REV1: variants seen among roughly 807,000 people sequenced by gnomAD.
The protein encoded by REV1 is translesion synthesis protein REV1.
Under a neutral mutation model 137.4 loss-of-function variants are expected in REV1, and 42 were observed. The ratio of observed to expected loss-of-function variants is 0.31; its 90% confidence interval spans 0.24 to 0.40. The LOEUF (loss-of-function observed/expected upper bound fraction) is 0.40, where lower values mean the gene tolerates loss of function less well. Ranked by LOEUF, REV1 falls within the 10% of genes least tolerant of loss-of-function variation. The pLI, the probability that REV1 is intolerant of heterozygous loss-of-function variation, is 1.00. For missense variants in REV1, 1,282 were observed against 1,490.1 expected (o/e 0.86, Z 2.30); for synonymous variants, 524 against 519.2 (o/e 1.01, Z -0.12).
chr2:99,480,531 C>A (rs1686502069), intron 1 of REV1, among the ~76,000 whole-genome samples: 1 of 152,094 alleles, frequency 6.6e-6, no homozygotes, highest in Admixed American at 6.6e-5. Context: ...CTGAGCCTAG[C>A]CTACACCATA....
chr2:99,463,259 C>A (rs1575184708), intron 2 of REV1, among the ~76,000 whole-genome samples: 1 of 152,076 alleles, frequency 6.6e-6, no homozygotes, highest in South Asian at 2.1e-4. Context: ...GTGGCTCACA[C>A]CTGTGATCCC....
chr2:99,401,725 C>T lies in REV1; in HGVS notation c.3645-373G>A, dbSNP rs141125088. 3.3e-3 allele frequency among the ~76,000 whole-genome samples: 508 copies of T among 152,200 alleles called. 3 individuals carry two copies. The highest frequency in any genetic ancestry group is 0.012 in the African/African-American group (489 of 41,532). ...TCCTGCCACTGCACTCCAGCCTGGG[C>T]GACAGAGTGAGACTCCATCTCAAAA... On this transcript the variant is annotated intron_variant, in intron 22 of 22. Transcript: ENST00000258428.
intron 1 of REV1, among the ~76,000 whole-genome samples, chr2:99,472,077 T>C (rs1021717291): frequency 1.3e-5 from 2 of 152,002 alleles, no homozygotes; most frequent in African/African-American, 4.8e-5. Context: ...CACTGAAACC[T>C]GAGACACAAA....
chr2:99,436,976 C>T (rs897223159), intron 6 of REV1, among the ~76,000 whole-genome samples: 4 of 150,944 alleles, frequency 2.6e-5, no homozygotes, highest in Non-Finnish European at 1.5e-5. Flanking sequence ...TAATTCTCCC[C>T]CAACTTTTTT....
At chr2:99,411,283 G>A (rs140470647) in intron 13 of REV1, among the ~76,000 whole-genome samples, 1,671 of 152,026 alleles carry the variant, frequency 0.011, 9 homozygotes, top group Middle Eastern at 0.027. Context: ...GGGAGACTCC[G>A]TCTCAAAAAA....
chr2:99,439,439 T>A, intron 5 of REV1, 129 bp from the exon 6 acceptor site: 1 of 575,056 alleles, frequency 1.7e-6, no homozygotes, highest in Non-Finnish European at 3.0e-6. Context: ...AATTCTTATA[T>A]TGAATATTGA....
chr2:99,402,096 A>G (rs1675540514), intron 22 of REV1, 148 bp downstream of exon 22: 1 of 534,482 alleles, frequency 1.9e-6, no homozygotes, highest in Admixed American at 3.8e-5. Flanking sequence ...CTTATTTGCT[A>G]CTTAGTCAAC....
At chr2:99,442,818 T>G (rs1304851792) in intron 4 of REV1, among the ~76,000 whole-genome samples, 1 of 152,182 alleles carries the variant, frequency 6.6e-6, no homozygotes, top group African/African-American at 2.4e-5. Flanking sequence ...TCCAAATTCA[T>G]GTCAGAAACT....
intron 14 of REV1, among the ~76,000 whole-genome samples, chr2:99,409,867 C>CCAA (rs1491343028): frequency 2.7e-5 from 3 of 109,474 alleles, no homozygotes; most frequent in African/African-American, 6.9e-5. Context: ...CCCCCCCCCC[C>CCAA]AAAAAAAACA....
At position 99,462,630 on chromosome 2, in the gene REV1, T is replaced by C; in HGVS notation, c.55-8A>G. On this transcript the variant is annotated splice_region_variant and splice_polypyrimidine_tract_variant and intron_variant, in intron 2 of 22. Coordinates refer to ENST00000258428, the MANE Select transcript of REV1 (RefSeq NM_016316.4). ...GGCAGCCATATACCCACCCTAGAAT[T>C]AAAGAAAAGGTAAACCAATCACAAA... The C allele has an allele frequency of 6.3e-7, 1 of 1,596,986 alleles. No homozygotes were observed. Among genetic ancestry groups the C allele is most frequent in the South Asian group, 1.1e-5 (1 of 87,024 alleles).
At chr2:99,403,341 G>A (rs1675771110) in intron 19 of REV1, 1 of 575,130 alleles carries the variant, frequency 1.7e-6, no homozygotes, top group African/African-American at 1.9e-5. Context: ...TCTATGATGG[G>A]TAGTACTAAA....
intron 10 of REV1, among the ~76,000 whole-genome samples, chr2:99,421,864 G>A (rs1481600715): frequency 6.6e-6 from 1 of 151,980 alleles, no homozygotes; most frequent in Non-Finnish European, 1.5e-5. Context: ...CCAAAATACA[G>A]CATATTGGAT....
At chr2:99,452,714 A>G (rs900116431) in intron 3 of REV1, among the ~76,000 whole-genome samples, 40 of 152,370 alleles carry the variant, frequency 2.6e-4, no homozygotes, top group African/African-American at 8.9e-4. Flanking sequence ...AGTATTTGCT[A>G]AATTCATTAA....
At chr2:99,432,252 A>C (rs1680216851) in intron 8 of REV1, among the ~76,000 whole-genome samples, 1 of 152,198 alleles carries the variant, frequency 6.6e-6, no homozygotes, top group African/African-American at 2.4e-5. Flanking sequence ...TAAGAAACTA[A>C]AGTTTCAAAA....
intron 1 of REV1, among the ~76,000 whole-genome samples, chr2:99,467,524 A>T (rs1684939135): frequency 6.6e-6 from 1 of 152,180 alleles, no homozygotes; most frequent in African/African-American, 2.4e-5. Flanking sequence ...CCCAAACCAG[A>T]TTATTTTTCC....
Position 99,400,675 on chromosome 2 carries a change from T to G in REV1, c.*566A>C, listed in dbSNP as rs1423144008. The G allele has an allele frequency of 6.6e-6, 1 of 152,146 alleles. No homozygotes were observed. Among genetic ancestry groups the G allele is most frequent in the African/African-American group, 2.4e-5 (1 of 41,430 alleles). The allele number at this position is 152,146 out of a possible 1,614,324, so 9.4% of individuals were successfully genotyped here. A position where few individuals can be genotyped will look rare whatever the true frequency, so the allele number is the denominator to read the frequency against. Reference sequence around the variant, plus strand: ...AAAAATCTTCAAGTGGGTGTGAGGGTGTTTCTAATTCAAAATATGTAGATT... The same window carrying G: ...AAAAATCTTCAAGTGGGTGTGAGGGGGTTTCTAATTCAAAATATGTAGATT... On this transcript the variant is annotated 3_prime_UTR_variant, in exon 23 of 23. Coordinates refer to ENST00000258428, the MANE Select transcript of REV1 (RefSeq NM_016316.4).
At chr2:99,477,485 G>A (rs1042980477) in intron 1 of REV1, among the ~76,000 whole-genome samples, 4 of 152,146 alleles carry the variant, frequency 2.6e-5, no homozygotes, top group African/African-American at 4.8e-5. Flanking sequence ...TATTACAGGA[G>A]AAAGAAAAAC....
chr2:99,430,220 T>A (rs1462310365), intron 8 of REV1, among the ~76,000 whole-genome samples: 1 of 151,910 alleles, frequency 6.6e-6, no homozygotes, highest in Non-Finnish European at 1.5e-5. Flanking sequence ...AAGATAAATA[T>A]AAAATATCCT....
At chr2:99,489,043 A>G (rs144338437) in intron 1 of REV1, among the ~76,000 whole-genome samples, 599 of 152,316 alleles carry the variant, frequency 3.9e-3, no homozygotes, top group Non-Finnish European at 6.3e-3. Flanking sequence ...GTTATGTGAG[A>G]TTATTTCTTT....
Sources: gnomAD v4.1 joint callset for allele counts (sites outside exome capture counted in the v4.1 genomes callset) on GRCh38, gnomAD v4.1.1 for gene constraint, MANE v1.5 for transcripts, NCBI Gene and HGNC (gene_info 2026-07-23, HGNC 2026-07-21) for gene names.